Variants in KIAA1217 observed in about 807,000 individuals in gnomAD.
KIAA1217 encodes sickle tail protein homolog.
In KIAA1217, 88 loss-of-function variants were observed where a neutral mutation model predicts 163.9. The observed-to-expected ratio is 0.54, with a 90% CI of 0.45 to 0.64. The LOEUF is 0.64. Among genes scored for constraint, KIAA1217 ranks in the 30% least tolerant of loss-of-function variants. The pLI, the probability that KIAA1217 is intolerant of heterozygous loss-of-function variation, is 0.00. For synonymous variants in KIAA1217, 903 were observed against 923.1 expected (o/e 0.98, Z 0.39); for missense variants, 2,372 against 2,475.0 (o/e 0.96, Z 0.88).
intron 2 of KIAA1217, among the ~76,000 whole-genome samples, chr10:24,220,777 T>A (rs67209003): frequency 2.5e-5 from 3 of 119,344 alleles, no homozygotes; most frequent in Non-Finnish European, 5.3e-5. Context: ...TTTTTTTTTT[T>A]GGAGATGGGT....
rs559267100 is a variant in KIAA1217, at chr10:24,451,391, C to T, written c.846+12912C>T. 2.2e-3 allele frequency among the ~76,000 whole-genome samples: 338 copies of T among 152,360 alleles called. 1 individual carries two copies. The highest frequency in any genetic ancestry group is 3.5e-3 in the Non-Finnish European group (237 of 68,032). On this transcript the variant is annotated intron_variant, in intron 5 of 20. Coordinates refer to ENST00000376454, the MANE Select transcript of KIAA1217 (RefSeq NM_019590.5). ...GGTTCTGAAGTTAGGGCAGCTGGCT[C>T]AGCTGCCTGAGAGCCCGAACTTCAC...
intron 1 of KIAA1217, among the ~76,000 whole-genome samples, chr10:23,879,484 G>C (rs912379547): frequency 1.3e-5 from 2 of 151,904 alleles, no homozygotes; most frequent in Non-Finnish European, 2.9e-5. Context: ...AAGAAGGGGT[G>C]ATTAAATATA....
chr10:23,815,816 A>G (rs1047061592), intron 1 of KIAA1217, among the ~76,000 whole-genome samples: 1 of 152,200 alleles, frequency 6.6e-6, no homozygotes, highest in Non-Finnish European at 1.5e-5. Context: ...TAAAAATCTG[A>G]AATAAGAAAT....
chr10:24,448,180 A>G (rs999247075), intron 5 of KIAA1217, among the ~76,000 whole-genome samples: 4 of 152,172 alleles, frequency 2.6e-5, no homozygotes, highest in Admixed American at 1.3e-4. Context: ...ATAAAGAAAA[A>G]ATCTGCTTTG....
intron 1 of KIAA1217, among the ~76,000 whole-genome samples, chr10:23,961,342 A>G (rs914467445): frequency 1.3e-5 from 2 of 152,238 alleles, no homozygotes; most frequent in African/African-American, 4.8e-5. Context: ...AATGGCACCA[A>G]GAAACATTTT....
chr10:24,044,897 C>T (rs1210778746), intron 2 of KIAA1217, among the ~76,000 whole-genome samples: 2 of 151,990 alleles, frequency 1.3e-5, no homozygotes, highest in Non-Finnish European at 2.9e-5. Context: ...TTTCTAGATG[C>T]TTTTCTCTGC....
intron 3 of KIAA1217, among the ~76,000 whole-genome samples, chr10:24,394,967 C>T (rs1467035024): frequency 7.2e-5 from 11 of 152,164 alleles, no homozygotes; most frequent in Admixed American, 3.9e-4. Flanking sequence ...GTTTCTGATT[C>T]AGTAGGTCTA....
At chr10:23,886,562 G>A (rs548866211) in intron 1 of KIAA1217, among the ~76,000 whole-genome samples, 6 of 151,906 alleles carry the variant, frequency 3.9e-5, no homozygotes, top group African/African-American at 9.7e-5. Context: ...TAACAGGCTC[G>A]CTAGGGCGCA....
At chr10:24,415,334 C>T (rs1052244354) in intron 3 of KIAA1217, among the ~76,000 whole-genome samples, 3 of 151,836 alleles carry the variant, frequency 2.0e-5, no homozygotes, top group African/African-American at 7.3e-5. Flanking sequence ...AGGCTGGTCT[C>T]GAACTCCTGA....
At chr10:23,997,136 G>A (rs1263470902) in intron 1 of KIAA1217, among the ~76,000 whole-genome samples, 1 of 152,168 alleles carries the variant, frequency 6.6e-6, no homozygotes, top group Non-Finnish European at 1.5e-5. Context: ...TGCTTTTAGT[G>A]TTTCTTAAGG....
At chr10:23,962,346 A>T (rs1458059622) in intron 1 of KIAA1217, among the ~76,000 whole-genome samples, 1 of 152,218 alleles carries the variant, frequency 6.6e-6, no homozygotes, top group Non-Finnish European at 1.5e-5. Flanking sequence ...GGCTTAACTG[A>T]AAGTGCTTAA....
At chr10:24,321,167 T>C (rs1039970933) in intron 2 of KIAA1217, among the ~76,000 whole-genome samples, 1 of 152,144 alleles carries the variant, frequency 6.6e-6, no homozygotes, top group Non-Finnish European at 1.5e-5. Flanking sequence ...TTCACTTCTC[T>C]GTACCCAAAA....
At chr10:23,862,587 T>C (rs566942375) in intron 1 of KIAA1217, among the ~76,000 whole-genome samples, 1 of 152,260 alleles carries the variant, frequency 6.6e-6, no homozygotes, top group African/African-American at 2.4e-5. Context: ...ACTTATACTT[T>C]TATCCAAACA....
At chr10:24,021,795 C>T (rs1376391608) in intron 2 of KIAA1217, among the ~76,000 whole-genome samples, 6 of 151,386 alleles carry the variant, frequency 4.0e-5, no homozygotes, top group East Asian at 1.9e-4. Flanking sequence ...AGAAATTGGC[C>T]GATACAAATA....
chr10:24,115,427 T>C (rs574776605), intron 2 of KIAA1217, among the ~76,000 whole-genome samples: 11 of 152,286 alleles, frequency 7.2e-5, no homozygotes, highest in East Asian at 3.9e-4. Context: ...CATCAAACCA[T>C]ACAGGTCAGC....
intron 9 of KIAA1217, among the ~76,000 whole-genome samples, chr10:24,503,152 C>T (rs1323381478): frequency 2.0e-5 from 3 of 152,146 alleles, no homozygotes. Context: ...GCTAAGAAAA[C>T]AATTTCCCCT....
At chr10:23,821,369 G>A (rs766747453) in intron 1 of KIAA1217, among the ~76,000 whole-genome samples, 24 of 152,214 alleles carry the variant, frequency 1.6e-4, no homozygotes, top group South Asian at 6.2e-4. Context: ...AAAGCCCCAT[G>A]TTCAGGTGGC....
chr10:24,376,182 AG>A lies in KIAA1217; in HGVS notation c.355-4686del, dbSNP rs2052463240. Reference sequence around the variant, plus strand: ...TACACTTGAGGACATAAATGCGGAAAGCCAGATCTTAGCACTACCTAGCTAC... The same window carrying A: ...TACACTTGAGGACATAAATGCGGAAACCAGATCTTAGCACTACCTAGCTAC... On this transcript the variant is annotated intron_variant, in intron 2 of 20. Coordinates refer to ENST00000376454, the MANE Select transcript of KIAA1217 (RefSeq NM_019590.5). 3.3e-5 allele frequency among the ~76,000 whole-genome samples: 5 copies of A among 152,382 alleles called. No homozygotes were observed. The South Asian group carries it at 1.0e-3, about 32-fold the overall frequency.
At chr10:24,499,352 C>G (rs1036474279) in intron 8 of KIAA1217, among the ~76,000 whole-genome samples, 1 of 152,172 alleles carries the variant, frequency 6.6e-6, no homozygotes, top group Admixed American at 6.5e-5. Context: ...CTTGCTCTTT[C>G]GAGGATGATT....
Sources: gnomAD v4.1 joint callset for allele counts (sites outside exome capture counted in the v4.1 genomes callset) on GRCh38, gnomAD v4.1.1 for gene constraint, MANE v1.5 for transcripts, NCBI Gene and HGNC (gene_info 2026-07-23, HGNC 2026-07-21) for gene names.